ANKRD36C: variants seen among roughly 807,000 people sequenced by gnomAD.
ANKRD36C encodes ankyrin repeat domain 36C, also known as ankyrin repeat domain-containing protein 36C.
In ANKRD36C, 61 loss-of-function variants were observed where a neutral mutation model predicts 276.4. The ratio of observed to expected loss-of-function variants is 0.22; its 90% CI spans 0.18 to 0.27. The LOEUF is 0.27. ANKRD36C is among the 10% of genes least tolerant of loss of function. The pLI is 1.00. For missense variants in ANKRD36C, 1,447 were observed against 2,032.3 expected, an observed-to-expected ratio of 0.71 and a Z score of 5.54; for synonymous variants, 483 against 680.1, an observed-to-expected ratio of 0.71 and a Z score of 4.51.
intron 8 of ANKRD36C, among the ~76,000 whole-genome samples, chr2:95,961,035 C>T (rs1678447467): frequency 6.6e-6 from 1 of 151,990 alleles, no homozygotes; most frequent in African/African-American, 2.4e-5. Flanking sequence ...AATGCTCCTG[C>T]ATGTTTTTCA....
In ANKRD36C at chr2:95,897,432, A is replaced by G. The variant is rs1271535565; in HGVS notation, c.2755+1713T>C. 3 of 1,540,132 alleles carry G rather than the reference A, an allele frequency of 1.9e-6. No homozygotes were observed. In the East Asian group the frequency reaches 7.3e-5, roughly 37 times the overall value. On this transcript the variant is annotated intron_variant, in intron 44 of 66. Coordinates refer to ENST00000456556, the Ensembl canonical transcript of ANKRD36C. Reference sequence around the variant, plus strand: ...AGTTCACAATATAAATGACAGTTTCATTACCTTCAAGCCTGGTGGTTGCTC... The same window carrying G: ...AGTTCACAATATAAATGACAGTTTCGTTACCTTCAAGCCTGGTGGTTGCTC...
rs187694315 is a variant in ANKRD36C at position 95,892,515 on chromosome 2, C to T, written c.2756-655G>A. Reference sequence around the variant, plus strand: ...CCTTCCGAAAGTTTCTTCATCCAGTCGTGGCACCAAAGGACAATATATTAG... The same window carrying T: ...CCTTCCGAAAGTTTCTTCATCCAGTTGTGGCACCAAAGGACAATATATTAG... On this transcript the variant is annotated intron_variant, in intron 44 of 66. Transcript: ENST00000456556. 5.9e-5 allele frequency among the ~76,000 whole-genome samples: 9 copies of T among 151,560 alleles called. 1 individual carries two copies. Among genetic ancestry groups the T allele is most frequent in the African/African-American group, 1.9e-4 (8 of 41,442 alleles).
At chr2:95,880,683 A>T (rs1676056833) in intron 56 of ANKRD36C, 60 bp from the exon 77 acceptor site, 1 of 1,516,802 alleles carries the variant, frequency 6.6e-7, no homozygotes, top group East Asian at 2.5e-5. Flanking sequence ...CCAACCATAC[A>T]TTTGTGGAGT....
At chr2:95,896,017 C>T (rs1369606093) in intron 44 of ANKRD36C, among the ~76,000 whole-genome samples, 2 of 146,880 alleles carry the variant, frequency 1.4e-5, no homozygotes, top group African/African-American at 2.5e-5. Context: ...ATTCATCATG[C>T]TCTTTAACTT....
chr2:95,950,701 C>A, intron 16 of ANKRD36C, 48 bp downstream of exon 16: 1 of 1,529,088 alleles, frequency 6.5e-7, no homozygotes, highest in Non-Finnish European at 8.8e-7. Context: ...TCTCTTCTCG[C>A]TATTCACTTA....
chr2:95,853,271 G>A (rs1490266196), intron 64 of ANKRD36C: 1 of 156,822 alleles, frequency 6.4e-6, no homozygotes, highest in Admixed American at 6.4e-5. Flanking sequence ...CAGAAAAGTA[G>A]AGACTAAAAA....
chr2:95,867,479 C>T, exon 60 of ANKRD36C: 1 of 1,411,048 alleles, frequency 7.1e-7, no homozygotes, highest in Non-Finnish European at 9.7e-7. Context: ...AGTAATATGA[C>T]ATTCTTACAA....
At chr2:95,879,687 C>G (rs557335244) in intron 58 of ANKRD36C, among the ~76,000 whole-genome samples, 8 of 152,136 alleles carry the variant, frequency 5.3e-5, no homozygotes, top group African/African-American at 1.7e-4. Context: ...TGACCAGAAC[C>G]AATAAAAGTT....
chr2:95,957,937 AAC>A (rs1678369250), intron 12 of ANKRD36C, among the ~76,000 whole-genome samples: 1 of 152,112 alleles, frequency 6.6e-6, no homozygotes, highest in Non-Finnish European at 1.5e-5. Context: ...AAAGAGGGGT[AAC>A]AGGTGACTGT....
Position 95,880,585 on chromosome 2 carries a change from G to C in ANKRD36C, c.3396+10C>G. ...TTAATAATTAAAAATATAAATGTAA[G>C]AGTAATTACCTTCAAGGTGGGCAGA... On this transcript the variant is annotated intron_variant, in intron 57 of 66. Coordinates refer to ENST00000456556, the Ensembl canonical transcript of ANKRD36C. 6.5e-7 allele frequency: 1 copy of C among 1,531,370 alleles called. No individual in the cohort carries two copies. Among genetic ancestry groups the C allele is most frequent in the Non-Finnish European group, 8.9e-7 (1 of 1,129,600 alleles). The allele number at this position is 1,531,370 out of a possible 1,614,324, so 94.9% of individuals were successfully genotyped here.
At chr2:95,910,845 C>A (rs1327839391) in intron 42 of ANKRD36C, among the ~76,000 whole-genome samples, 1 of 151,378 alleles carries the variant, frequency 6.6e-6, no homozygotes, top group African/African-American at 2.4e-5. Flanking sequence ...CGTGCATAGG[C>A]CAAGTGATGA....
intron 42 of ANKRD36C, among the ~76,000 whole-genome samples, chr2:95,903,606 T>C (rs1407242814): frequency 6.6e-6 from 1 of 151,284 alleles, no homozygotes; most frequent in Non-Finnish European, 1.5e-5. Context: ...GCTAAATTAA[T>C]CACCTTGGAT....
intron 50 of ANKRD36C, 48 bp downstream of exon 70, chr2:95,887,876 CT>C: frequency 6.5e-7 from 1 of 1,546,766 alleles, no homozygotes; most frequent in Non-Finnish European, 8.7e-7. Flanking sequence ...AAGAGAAGTA[CT>C]TTTCTATCTG....
intron 15 of ANKRD36C, among the ~76,000 whole-genome samples, 190 bp from the exon 16 acceptor site, chr2:95,950,969 AAAT>A (rs952126492): frequency 5.7e-4 from 81 of 140,942 alleles, no homozygotes; most frequent in East Asian, 1.5e-3. Context: ...ATCCTTATAA[AAAT>A]AATAATAATA....
chr2:95,984,320 C>A (rs1478936168), intron 3 of ANKRD36C, among the ~76,000 whole-genome samples: 1 of 152,000 alleles, frequency 6.6e-6, no homozygotes, highest in South Asian at 2.1e-4. Flanking sequence ...AAAGGGGCAA[C>A]CTCTGCACAG....
At chr2:95,893,793 G>T (rs1676449096) in intron 44 of ANKRD36C, 69 bp from the exon 63 acceptor site, 1 of 1,598,706 alleles carries the variant, frequency 6.3e-7, no homozygotes, top group South Asian at 1.1e-5. Context: ...GATTCATGCA[G>T]AGTTAGCATC....
At chr2:95,971,971 C>G (rs1678709540) in intron 6 of ANKRD36C, among the ~76,000 whole-genome samples, 1 of 152,230 alleles carries the variant, frequency 6.6e-6, no homozygotes, top group East Asian at 1.9e-4. Flanking sequence ...TAAGTTGCAA[C>G]TGACGCAAAT....
chr2:95,949,523 C>T (rs1240158798), intron 16 of ANKRD36C, among the ~76,000 whole-genome samples: 7 of 152,234 alleles, frequency 4.6e-5, no homozygotes, highest in Non-Finnish European at 1.5e-5. Flanking sequence ...CCTGCAAATT[C>T]CATTCTTATC....
intron 6 of ANKRD36C, among the ~76,000 whole-genome samples, chr2:95,967,991 C>T (rs1368226763): frequency 2.0e-5 from 3 of 152,036 alleles, no homozygotes; most frequent in African/African-American, 4.8e-5. Context: ...ACTCGGGAGG[C>T]CGAAACATGA....
Sources: gnomAD v4.1 joint callset for allele counts (sites outside exome capture counted in the v4.1 genomes callset) on GRCh38, gnomAD v4.1.1 for gene constraint, MANE v1.5 for transcripts, NCBI Gene and HGNC (gene_info 2026-07-23, HGNC 2026-07-21) for gene names.